NELL2: variants seen among roughly 807,000 people sequenced by gnomAD.
NELL2 encodes protein kinase C-binding protein NELL2.
NELL2 carries 41 observed loss-of-function variants against 109.6 expected under a neutral mutation model. The observed-to-expected ratio is 0.37, with a 90% confidence interval of 0.29 to 0.49. The LOEUF (loss-of-function observed/expected upper bound fraction) is 0.49. Ranked by LOEUF, NELL2 falls within the 20% of genes least tolerant of loss-of-function variation. The pLI is 0.98. For missense variants in NELL2, 900 were observed against 1,008.3 expected (o/e 0.89, Z 1.45); for synonymous variants, 355 against 344.7 (o/e 1.03, Z -0.33).
rs541200398 is a variant in NELL2 at position 44,627,738 on chromosome 12, G to A, written c.1445-16768C>T. On this transcript the variant is annotated intron_variant, in intron 13 of 19. Transcript: ENST00000429094. ...TAGAATCACCAAATTCCCATTCTAA[G>A]ACTGGATTAGATTAAATAGCTTAGA... is the stretch of plus-strand genomic sequence containing the variant. Among the ~76,000 whole-genome samples, 271 of 151,788 alleles carry A rather than the reference G, an allele frequency of 1.8e-3. 2 individuals carry two copies. The highest frequency in any genetic ancestry group is 6.2e-3 in the African/African-American group (257 of 41,128).
chr12:44,768,461 T>C (rs957007846), intron 9 of NELL2, among the ~76,000 whole-genome samples: 5 of 152,182 alleles, frequency 3.3e-5, no homozygotes, highest in African/African-American at 1.2e-4. Context: ...TAAAGTAATA[T>C]ACAAGTGAAC....
chr12:44,550,416 T>C (rs1448192331), intron 15 of NELL2, among the ~76,000 whole-genome samples: 1 of 148,708 alleles, frequency 6.7e-6, no homozygotes, highest in Non-Finnish European at 1.5e-5. Flanking sequence ...CCAGGCTAAT[T>C]TTTTTTTTTT....
At chr12:44,728,244 AT>A (rs1448886189) in intron 9 of NELL2, among the ~76,000 whole-genome samples, 1 of 152,066 alleles carries the variant, frequency 6.6e-6, no homozygotes, top group East Asian at 1.9e-4. Flanking sequence ...ATAGACAGTA[AT>A]TTTTTTAAAT....
chr12:44,665,549 G>A lies in NELL2; in HGVS notation c.1379C>T (p.Thr460Ile), dbSNP rs751729629. The A allele has an allele frequency of 6.2e-7, 1 of 1,613,418 alleles. No individual in the cohort carries two copies. Among genetic ancestry groups the A allele is most frequent in the South Asian group, 1.1e-5 (1 of 91,062 alleles). Residue 460 changes from threonine (T) to isoleucine (I), a missense_variant, in exon 13 of 20, where the codon ACC becomes ATC. Transcript: ENST00000429094. ...GCAGATGCACATAAAAGAACCCGGG[G>A]TGTTGACACACATTGTATTTTCACG... Reference protein sequence around the residue: ...YCRENTMCVNTPGSFMCICKT... With the variant: ...YCRENTMCVNIPGSFMCICKT...
intron 13 of NELL2, among the ~76,000 whole-genome samples, chr12:44,628,808 G>A (rs567622828): frequency 1.2e-4 from 18 of 152,272 alleles, no homozygotes; most frequent in South Asian, 6.2e-4. Flanking sequence ...TACCCAGGCC[G>A]TATCAGGTGT....
chr12:44,774,296 C>T (rs1941664435), intron 9 of NELL2, among the ~76,000 whole-genome samples: 1 of 151,336 alleles, frequency 6.6e-6, no homozygotes, highest in Admixed American at 6.6e-5. Flanking sequence ...GGCCATGGCC[C>T]TTATCTACAC....
intron 2 of NELL2, among the ~76,000 whole-genome samples, chr12:44,843,385 T>C (rs1162471953): frequency 6.6e-6 from 1 of 152,022 alleles, no homozygotes; most frequent in African/African-American, 2.4e-5. Context: ...AATGACAAAA[T>C]TAAAGAATCA....
At chr12:44,531,414 C>T (rs115116420) in intron 16 of NELL2, among the ~76,000 whole-genome samples, 3,605 of 152,266 alleles carry the variant, frequency 0.024, 57 homozygotes, top group Middle Eastern at 0.065. Flanking sequence ...CTCTCCAGGG[C>T]TGGAAATGTT....
intron 1 of NELL2, among the ~76,000 whole-genome samples, chr12:44,901,593 A>G (rs1232826604): frequency 6.6e-6 from 1 of 152,140 alleles, no homozygotes; most frequent in Non-Finnish European, 1.5e-5. Flanking sequence ...GGAGACACAC[A>G]CACAAAAAAG....
At chr12:44,576,243 G>A (rs965096575) in intron 15 of NELL2, among the ~76,000 whole-genome samples, 2 of 152,166 alleles carry the variant, frequency 1.3e-5, no homozygotes, top group African/African-American at 2.4e-5. Flanking sequence ...GGCCACTTTC[G>A]TAGTTGTGCA....
chr12:44,590,193 C>A (rs1944693692), intron 15 of NELL2, among the ~76,000 whole-genome samples: 1 of 151,842 alleles, frequency 6.6e-6, no homozygotes. Flanking sequence ...ATTATTTTTG[C>A]ATATATATTT....
chr12:44,769,960 G>A (rs566424625), intron 9 of NELL2, among the ~76,000 whole-genome samples: 126 of 152,218 alleles, frequency 8.3e-4, no homozygotes, highest in African/African-American at 3.0e-3. Context: ...CCTTGATTAA[G>A]ATACGCCCAC....
intron 12 of NELL2, 140 bp downstream of exon 12, chr12:44,703,586 T>C: frequency 1.2e-6 from 1 of 830,004 alleles, no homozygotes; most frequent in Non-Finnish European, 1.9e-6. Flanking sequence ...TAATTATTTT[T>C]AGCTGATTAA....
chr12:44,850,862 T>C (rs1458978391), intron 2 of NELL2, among the ~76,000 whole-genome samples: 1 of 152,190 alleles, frequency 6.6e-6, no homozygotes, highest in Non-Finnish European at 1.5e-5. Flanking sequence ...ATGCCAATGT[T>C]AAAGAGAACA....
At chr12:44,741,223 T>G (rs1242572688) in intron 9 of NELL2, among the ~76,000 whole-genome samples, 1 of 152,210 alleles carries the variant, frequency 6.6e-6, no homozygotes, top group Non-Finnish European at 1.5e-5. Flanking sequence ...ATGATTTTCT[T>G]AATAACATTT....
chr12:44,846,615 T>C (rs1334746093), intron 2 of NELL2, among the ~76,000 whole-genome samples: 2 of 152,192 alleles, frequency 1.3e-5, no homozygotes, highest in Non-Finnish European at 2.9e-5. Context: ...AATTCTCCCC[T>C]TTCAGACAAT....
chr12:44,745,592 C>G (rs1364241044), intron 9 of NELL2, among the ~76,000 whole-genome samples: 1 of 152,166 alleles, frequency 6.6e-6, no homozygotes, highest in East Asian at 1.9e-4. Flanking sequence ...TGATAAGCAA[C>G]TTCAGCAAAG....
intron 13 of NELL2, 156 bp downstream of exon 13, chr12:44,665,328 C>A: frequency 1.8e-6 from 1 of 565,194 alleles, no homozygotes; most frequent in Non-Finnish European, 2.8e-6. Flanking sequence ...TTCTTTAGAA[C>A]AGATTAAGAA....
Position 44,632,761 on chromosome 12 carries a change from T to C in NELL2, c.1445-21791A>G, listed in dbSNP as rs1946502865. 2.0e-5 allele frequency among the ~76,000 whole-genome samples: 3 copies of C among 152,118 alleles called. No homozygotes were observed. In the South Asian group the frequency reaches 6.2e-4, roughly 31 times the overall value. On this transcript the variant is annotated intron_variant, in intron 13 of 19. Transcript: ENST00000429094. The stretch of plus-strand genomic sequence containing the variant: ...AAACCTTTGTACATTCTTCTTTTAT[T>C]ATCTGTGGAAGAGATACCCTGACCA...
Sources: allele counts gnomAD v4.1 joint callset (sites outside exome capture counted in the v4.1 genomes callset), GRCh38; gene constraint gnomAD v4.1.1; transcripts MANE v1.5; gene names NCBI Gene and HGNC (gene_info 2026-07-23, HGNC 2026-07-21).